Variants in CLN6 observed in about 807,000 individuals in gnomAD.
CLN6 encodes CLN6 transmembrane ER protein.
A neutral mutation model predicts 33.3 loss-of-function variants in CLN6; 22 were observed. That is an observed-to-expected ratio of 0.66 (90% confidence interval 0.47 to 0.94). The LOEUF is 0.94. CLN6 is among the 40% of genes least tolerant of loss of function. The pLI, the probability that CLN6 is intolerant of heterozygous loss-of-function variation, is 0.00. For synonymous variants in CLN6, 201 were observed against 174.6 expected (o/e 1.15, Z -1.19); for missense variants, 387 against 417.1 (o/e 0.93, Z 0.63).
At position 68,210,549 on chromosome 15, in the gene CLN6, G is replaced by A. The variant is rs1029684678; in HGVS notation, c.542+714C>T. 1.5e-4 allele frequency among the ~76,000 whole-genome samples: 23 copies of A among 152,158 alleles called. No individual in the cohort carries two copies. Among genetic ancestry groups the A allele is most frequent in the East Asian group, 3.9e-4 (2 of 5,174 alleles). ...GTGAGCACCAACTCAGGAGTGAGCC[G>A]GGTCCAGGGCTGGCCCTCACCTCCC... On this transcript the variant is annotated intron_variant, in intron 5 of 6. Coordinates refer to ENST00000249806, the MANE Select transcript of CLN6 (RefSeq NM_017882.3). The surrounding 1 kb of genome is among the most constrained non-coding windows in gnomAD (Gnocchi z 5.6).
At chr15:68,212,303 G>A in intron 3 of CLN6, 1 of 194,290 alleles carries the variant, frequency 5.1e-6, no homozygotes, top group Non-Finnish European at 1.1e-5. Context: ...TGTCAGGGAT[G>A]GGGGCAGGTG....
Position 68,207,001 on chromosome 15 carries a change from T to G in CLN6, c.*1139A>C, listed in dbSNP as rs377239919. The G allele has an allele frequency of 7.2e-5, 11 of 152,408 alleles. No individual in the cohort carries two copies. The highest frequency in any genetic ancestry group is 1.7e-4 in the African/African-American group (7 of 41,570). 9.4% of individuals were successfully genotyped at this position (152,408 alleles called of 1,614,324 possible). A position where few individuals can be genotyped will look rare whatever the true frequency, so the allele number is the denominator to read the frequency against. On this transcript the variant is annotated 3_prime_UTR_variant, in exon 7 of 7. Coordinates refer to ENST00000249806, the MANE Select transcript of CLN6 (RefSeq NM_017882.3). ...ACACCTCTAACACCACTTGGGGCTG[T>G]GACTGTATTTACTTCATTCTTGAAT...
chr15:68,216,091 T>A (rs2093219894), intron 2 of CLN6, among the ~76,000 whole-genome samples: 1 of 152,206 alleles, frequency 6.6e-6, no homozygotes, highest in Non-Finnish European at 1.5e-5. Context: ...CTACTTAGGG[T>A]TACAGTGGTC....
In CLN6 at chr15:68,229,558, G is replaced by C; in HGVS notation, c.27C>G (p.His9Gln). 6.8e-7 allele frequency: 1 copy of C among 1,470,172 alleles called. No homozygotes were observed. 91.1% of individuals were successfully genotyped at this position (1,470,172 alleles called of 1,614,324 possible). A position where few individuals can be genotyped will look rare whatever the true frequency, so the allele number is the denominator to read the frequency against. ...CGCCTGGGCCGCCCGTCGCTCCCAG[G>C]TGCTGCCGCCTCCGCGTCGCCTCCA... MEATRRRQ[H>Q]LGATGGPGAQ... The change falls in exon 1 of 7, where the codon CAC becomes CAG. Residue 9 changes from histidine (H) to glutamine (Q), a missense_variant. Physicochemically the swap from His to Gln is conservative, Grantham distance 24. Coordinates refer to ENST00000249806, the MANE Select transcript of CLN6 (RefSeq NM_017882.3).
In CLN6 at chr15:68,209,811, C is replaced by G. The variant is rs2141137396; in HGVS notation, c.543-52G>C. On this transcript the variant is annotated intron_variant, in intron 5 of 6. Coordinates refer to ENST00000249806, the MANE Select transcript of CLN6 (RefSeq NM_017882.3). This position sits in a 1 kb window ranked among gnomAD's most constrained non-coding sequence, Gnocchi z 4.9. ...AGGCCTGCTCAGCGGCCCTCTTCCCCACAACCTCTGCAACCACTCCCATGG... is the reference window on the plus strand; with the variant it reads ...AGGCCTGCTCAGCGGCCCTCTTCCCGACAACCTCTGCAACCACTCCCATGG... The G allele has an allele frequency of 6.2e-7, 1 of 1,608,266 alleles. No homozygotes were observed. Among genetic ancestry groups the G allele is most frequent in the East Asian group, 2.2e-5 (1 of 44,734 alleles).
At position 68,236,411 on chromosome 15, in the gene CLN6, T is replaced by A. The variant is rs531259547; in HGVS notation, c.180-17761A>T. 8.5e-5 allele frequency among the ~76,000 whole-genome samples: 13 copies of A among 152,364 alleles called. No homozygotes were observed. Among genetic ancestry groups the A allele is most frequent in the African/African-American group, 3.1e-4 (13 of 41,592 alleles). Reference sequence around the variant, plus strand: ...TATGGTATACAAATTCAGTGGACTATTATACAGCTATAAGAAGGCACTAAG... The same window carrying A: ...TATGGTATACAAATTCAGTGGACTAATATACAGCTATAAGAAGGCACTAAG... On this transcript the variant is annotated intron_variant, in intron 1 of 6. Coordinates refer to the CLN6 transcript ENST00000538696. The surrounding 1 kb of genome is among the most constrained non-coding windows in gnomAD (Gnocchi z 4.5).
Position 68,256,841 on chromosome 15 carries a change from GC to G in CLN6, c.27del (p.Arg10GlufsTer24), listed in dbSNP as rs1458429478. ...TCTGGCCGGGGCCTGCCTCTCGCTC[GC>G]CGCTCCTTCCCGGCAACGGCTGCCA... On this transcript the variant is annotated frameshift_variant, in exon 1 of 7. Transcript: ENST00000538696. LOFTEE classifies it high-confidence loss of function. This position sits in a 1 kb window ranked among gnomAD's most constrained non-coding sequence, Gnocchi z 4.1. The G allele has an allele frequency of 1.4e-6, 1 of 697,644 alleles. No individual in the cohort carries two copies. Among genetic ancestry groups the G allele is most frequent in the Admixed American group, 2.0e-5 (1 of 49,116 alleles). 43.2% of individuals were successfully genotyped at this position (697,644 alleles called of 1,614,324 possible).
At chr15:68,214,466 A>C in intron 2 of CLN6, 78 bp from the exon 3 acceptor site, 1 of 962,184 alleles carries the variant, frequency 1.0e-6, no homozygotes, top group Non-Finnish European at 1.7e-6. Flanking sequence ...GTCTGCCCCT[A>C]ATGCCGCCCA....
At position 68,236,844 on chromosome 15, in the gene CLN6, A is replaced by G. The variant is rs1225353626; in HGVS notation, c.180-18194T>C. 6.6e-6 allele frequency among the ~76,000 whole-genome samples: 1 copy of G among 152,258 alleles called. No individual in the cohort carries two copies. Among genetic ancestry groups the G allele is most frequent in the East Asian group, 1.9e-4 (1 of 5,204 alleles). On this transcript the variant is annotated intron_variant, in intron 1 of 6. Transcript: ENST00000538696. The surrounding 1 kb of genome is among the most constrained non-coding windows in gnomAD (Gnocchi z 4.5). ...AAGCAAATAGAAATTTTAGAGCTTA[A>G]CAATTTGTTGACATTAAAACTGAAT...
chr15:68,229,781 A>AGGCGGGGCGGAGCGGAGGGAGGCGG (rs1567101833), upstream of CLN6: 25 of 326,720 alleles, frequency 7.7e-5, no homozygotes, highest in Admixed American at 1.3e-4. Context: ...GAGCGGAGGG[A>AGGCGGGGCGGAGCGGAGGGAGGCGG]GGCGGGGCGG....
At chr15:68,214,839 C>T (rs997239123) in intron 2 of CLN6, 5 of 243,956 alleles carry the variant, frequency 2.0e-5, no homozygotes, top group Admixed American at 5.1e-5. Context: ...CTACTTGGAC[C>T]GTTCGGGTTC....
chr15:68,229,786 G>GGGCGGAGCGGAGGGAGGCGA, upstream of CLN6: 1 of 356,162 alleles, frequency 2.8e-6, no homozygotes, highest in Non-Finnish European at 4.9e-6. Context: ...GAGGGAGGCG[G>GGGCGGAGCGGAGGGAGGCGA]GGCGGAGGGA....
At chr15:68,230,178 C>G (rs570370228), upstream of CLN6, among the ~76,000 whole-genome samples, 1 of 151,974 alleles carries the variant, frequency 6.6e-6, no homozygotes, top group East Asian at 1.9e-4. The surrounding 1 kb of genome is among the most constrained non-coding windows in gnomAD (Gnocchi z 4.0). Context: ...TGGGAAGGAG[C>G]GAGTTGGTGA....
In CLN6 at chr15:68,208,094, G is replaced by GCCCCCCCCCCCCC; in HGVS notation, c.*45_*46insGGGGGGGGGGGGG. ...CTCCTGTATTCAGATGCCCTCCATG[G>GCCCCCCCCCCCCC]CCCACCCTCCCACCCAGCAGAGCGC... On this transcript the variant is annotated 3_prime_UTR_variant, in exon 7 of 7. Transcript: ENST00000249806. The surrounding 1 kb of genome is among the most constrained non-coding windows in gnomAD (Gnocchi z 5.8). 1.0e-5 allele frequency: 14 copies of GCCCCCCCCCCCCC among 1,375,274 alleles called. No homozygotes were observed. Among genetic ancestry groups the GCCCCCCCCCCCCC allele is most frequent in the East Asian group, 2.5e-5 (1 of 39,906 alleles). 85.2% of individuals were successfully genotyped at this position (1,375,274 alleles called of 1,614,324 possible).
rs1161930599 is a variant in CLN6, at chr15:68,227,502, T to C, written c.83+2000A>G. 6.6e-6 allele frequency among the ~76,000 whole-genome samples: 1 copy of C among 152,154 alleles called. No homozygotes were observed. Among genetic ancestry groups the C allele is most frequent in the Non-Finnish European group, 1.5e-5 (1 of 68,030 alleles). ...TTCTGCCTACTCTCTTGAGCAGCAA[T>C]GATACTGGGAATGGGCTGAAGCCAC... is the stretch of plus-strand genomic sequence containing the variant. On this transcript the variant is annotated intron_variant, in intron 1 of 6. Transcript: ENST00000249806. The surrounding 1 kb of genome is among the most constrained non-coding windows in gnomAD (Gnocchi z 4.1).
At chr15:68,255,296 T>C (rs928168190) in intron 1 of CLN6, among the ~76,000 whole-genome samples, 6 of 58,008 alleles carry the variant, frequency 1.0e-4, no homozygotes, top group Non-Finnish European at 2.7e-4. Flanking sequence ...CCCAGACACC[T>C]GTTGGACCTG....
rs560488415 is a variant in CLN6 at position 68,241,386 on chromosome 15, T to C, written c.179+15304A>G. On this transcript the variant is annotated intron_variant, in intron 1 of 6. Coordinates refer to the CLN6 transcript ENST00000538696. The surrounding 1 kb of genome is among the most constrained non-coding windows in gnomAD (Gnocchi z 4.2). Reference sequence around the variant, plus strand: ...AGCTCTGAGCAGTCAGTAAGATAAATGGATTTCTACATCCATGACTCCCCT... The same window carrying C: ...AGCTCTGAGCAGTCAGTAAGATAAACGGATTTCTACATCCATGACTCCCCT... Among the ~76,000 whole-genome samples, 4 of 152,260 alleles carry C rather than the reference T, an allele frequency of 2.6e-5. No individual in the cohort carries two copies. The South Asian group carries it at 8.3e-4, about 32-fold the overall frequency.
chr15:68,254,852 A>G (rs866633430), intron 1 of CLN6: 14 of 1,136,510 alleles, frequency 1.2e-5, no homozygotes, highest in Middle Eastern at 2.5e-4. Flanking sequence ...GAAAATGGAG[A>G]TGCCCAAACA....
In CLN6 at chr15:68,211,832, C is replaced by T. The variant is rs140179213; in HGVS notation, c.329G>A (p.Arg110His). Reference protein sequence around the residue: ...LIERSPRTLPRSITYVSIIIF... With the variant: ...LIERSPRTLPHSITYVSIIIF... ...GATGATGCTCACGTACGTGATGGAGCGTGGCAGGGTGCGGGGGGACCGCTC... is the reference window on the plus strand; with the variant it reads ...GATGATGCTCACGTACGTGATGGAGTGTGGCAGGGTGCGGGGGGACCGCTC... Residue 110 changes from arginine (R) to histidine (H), a missense_variant, in exon 4 of 7, where the codon CGC becomes CAC. Transcript: ENST00000249806. This position sits in a 1 kb window ranked among gnomAD's most constrained non-coding sequence, Gnocchi z 5.9. 3.1e-6 allele frequency: 5 copies of T among 1,613,656 alleles called. No homozygotes were observed. The highest frequency in any genetic ancestry group is 2.7e-5 in the African/African-American group (2 of 74,872).
Sources: gnomAD v4.1 joint callset for allele counts (sites outside exome capture counted in the v4.1 genomes callset) on GRCh38, gnomAD v4.1.1 for gene constraint, Gnocchi (gnomAD v3.1) non-coding constraint, MANE v1.5 for transcripts, NCBI Gene and HGNC (gene_info 2026-07-23, HGNC 2026-07-21) for gene names.